The following MYH15 variants were observed in gnomAD, a reference collection of about 807,000 sequenced individuals.
The protein encoded by MYH15 is myosin-15.
Under a neutral mutation model 240.5 loss-of-function variants are expected in MYH15, and 227 were observed. The ratio of observed to expected loss-of-function variants is 0.94; its 90% confidence interval spans 0.85 to 1.05. MYH15 has a LOEUF of 1.05. MYH15 is among the 50% of genes least tolerant of loss of function. The pLI is 0.00. For synonymous variants in MYH15, 785 were observed against 796.7 expected, an observed-to-expected ratio of 0.99 and a Z score of 0.25; for missense variants, 2,217 against 2,247.5, an observed-to-expected ratio of 0.99 and a Z score of 0.27.
In MYH15 at chr3:108,500,106, G is replaced by A. The variant is rs2083424407; in HGVS notation, c.496+12C>T. ...ATATTTTTACTTTTCATTTTGTAGG[G>A]CAGCTACTCACTGTGAAGCATGTCC... On this transcript the variant is annotated intron_variant, in intron 4 of 40. Transcript: ENST00000693548. The A allele has an allele frequency of 6.2e-7, 1 of 1,608,988 alleles. No homozygotes were observed. The highest frequency in any genetic ancestry group is 1.1e-5 in the South Asian group (1 of 90,670).
rs569771150 is a variant in MYH15, at chr3:108,404,742, T to C, written c.4736+596A>G. 2.6e-5 allele frequency among the ~76,000 whole-genome samples: 4 copies of C among 152,314 alleles called. No individual in the cohort carries two copies. The East Asian group carries it at 5.8e-4, about 22-fold the overall frequency. On this transcript the variant is annotated intron_variant, in intron 33 of 40. Coordinates refer to ENST00000693548, the MANE Select transcript of MYH15 (RefSeq NM_014981.3). ...AAGCAGCTTAGCTCTTGGCTTCTGC[T>C]CCTCTTCAAACAAATGGCTACAGGT...
At chr3:108,520,910 C>T (rs2107266906) in intron 1 of MYH15, among the ~76,000 whole-genome samples, 1 of 152,108 alleles carries the variant, frequency 6.6e-6, no homozygotes, top group East Asian at 1.9e-4. Context: ...AATCAATTTG[C>T]ATATGTGAGT....
chr3:108,498,902 CTT>C (rs2083414609), intron 5 of MYH15, among the ~76,000 whole-genome samples: 2 of 152,354 alleles, frequency 1.3e-5, no homozygotes, highest in South Asian at 4.1e-4. Flanking sequence ...CATGCTGACA[CTT>C]TACCTGGCCA....
the MYH15 span, among the ~76,000 whole-genome samples, chr3:108,536,689 GAGTAAGTGGGGTATGTCAAA>G: frequency 2.1e-4 from 32 of 152,320 alleles, no homozygotes; most frequent in East Asian, 2.1e-3. Flanking sequence ...AGTGACAAAA[GAGTAAGTGGGGTATGTCAAA>G]TAGAATCTAA....
At chr3:108,385,776 T>C (rs2082378923) in intron 38 of MYH15, among the ~76,000 whole-genome samples, 1 of 150,576 alleles carries the variant, frequency 6.6e-6, no homozygotes, top group African/African-American at 2.4e-5. Flanking sequence ...TCCCCCTACT[T>C]ACCTTCCATT....
chr3:108,381,426 G>T lies in MYH15; in HGVS notation c.*119C>A. 8.9e-7 allele frequency: 1 copy of T among 1,117,936 alleles called. No homozygotes were observed. Among genetic ancestry groups the T allele is most frequent in the Non-Finnish European group, 1.4e-6 (1 of 731,370 alleles). The allele number at this position is 1,117,936 out of a possible 1,614,324, so 69.3% of individuals were successfully genotyped here. On this transcript the variant is annotated 3_prime_UTR_variant, in exon 41 of 41. Coordinates refer to ENST00000693548, the MANE Select transcript of MYH15 (RefSeq NM_014981.3). ...ATTTTTCTAATTGCCTTGTTTATAT[G>T]GTGTGAAAAGCAATTTAAACATGTT...
chr3:108,474,284 G>A (rs1020398436), intron 12 of MYH15, among the ~76,000 whole-genome samples: 1 of 151,562 alleles, frequency 6.6e-6, no homozygotes, highest in Non-Finnish European at 1.5e-5. Context: ...GAGAGAGAGC[G>A]AGAGGAGGAG....
rs1442634891 is a variant in MYH15, at chr3:108,485,132, TG to T, written c.1072del (p.Gln358ArgfsTer31). Reference sequence around the variant, plus strand: ...TTCCAGTTGCTCTTCTCTAGGTTTCTGTTTAAATTTCATATTTCCAAAGTGC... The same window carrying T: ...TTCCAGTTGCTCTTCTCTAGGTTTCTTTTAAATTTCATATTTCCAAAGTGC... ...IMHFGNMKFK[Q>X]KPREEQLEAD... On this transcript the variant is annotated frameshift_variant, in exon 11 of 41. Transcript: ENST00000693548. LOFTEE classifies it high-confidence loss of function. The T allele has an allele frequency of 6.2e-7, 1 of 1,614,176 alleles. No individual in the cohort carries two copies. Among genetic ancestry groups the T allele is most frequent in the Admixed American group, 1.7e-5 (1 of 60,026 alleles).
Position 108,470,780 on chromosome 3 carries a change from C to T in MYH15, c.1301G>A (p.Arg434Gln), listed in dbSNP as rs4299484. 0.27 allele frequency: 433,566 copies of T among 1,613,102 alleles called. 65,489 individuals carry two copies. Among genetic ancestry groups the T allele is most frequent in the Non-Finnish European group, 0.31 (367,296 of 1,179,406 alleles). Residue 434 changes from arginine to glutamine, a missense_variant, in exon 13 of 41, where the codon CGG (arginine) becomes CAG (glutamine). Coordinates refer to ENST00000693548, the MANE Select transcript of MYH15 (RefSeq NM_014981.3). ...CTTGGCATCCAGGGCCCTGTTGATC[C>T]GTGCCACTAGCCACTTAAACATCCT... ...YERMFKWLVA[R>Q]INRALDAKLS...
At chr3:108,502,494 G>T (rs1314633092) in intron 2 of MYH15, among the ~76,000 whole-genome samples, 1 of 152,022 alleles carries the variant, frequency 6.6e-6, no homozygotes, top group Non-Finnish European at 1.5e-5. Context: ...AACTTGCAAT[G>T]CATGTTCATT....
At position 108,410,785 on chromosome 3, in the gene MYH15, T is replaced by G. The variant is rs767205376; in HGVS notation, c.4293A>C (p.Ala1431=). 1.2e-6 allele frequency: 2 copies of G among 1,614,164 alleles called. No individual in the cohort carries two copies. Among genetic ancestry groups the G allele is most frequent in the South Asian group, 2.2e-5 (2 of 91,084 alleles). The change falls in exon 31 of 41, where the codon GCA becomes GCC. Residue 1431 remains alanine, a synonymous_variant. Transcript: ENST00000693548. ...LSDLGKVRSA[A]ARLDQKQLQS... is the part of the protein sequence containing the mutation. ...GCAGCTGCTTCTGGTCCAGCCTGGC[T>G]GCTGCAGAGCGGACCTTCCCGAGGT...
intron 12 of MYH15, among the ~76,000 whole-genome samples, chr3:108,474,610 C>G: frequency 6.6e-6 from 1 of 152,026 alleles, no homozygotes; most frequent in Admixed American, 6.6e-5. Flanking sequence ...ATCTATACCT[C>G]AAACACTGAT....
intron 1 of MYH15, among the ~76,000 whole-genome samples, chr3:108,526,748 CA>C: frequency 6.6e-6 from 1 of 152,294 alleles, no homozygotes; most frequent in East Asian, 1.9e-4. Flanking sequence ...GACACTTTCT[CA>C]TAAACTGCAG....
At chr3:108,540,591 CCATTTT>C in the MYH15 span, among the ~76,000 whole-genome samples, 1 of 152,214 alleles carries the variant, frequency 6.6e-6, no homozygotes, top group East Asian at 1.9e-4. Flanking sequence ...AATTCCATTT[CCATTTT>C]GGTACAATCA....
intron 27 of MYH15, among the ~76,000 whole-genome samples, chr3:108,424,203 C>A (rs2082708798): frequency 6.6e-6 from 1 of 152,202 alleles, no homozygotes; most frequent in Admixed American, 6.5e-5. Context: ...TGGTGAAGGC[C>A]AGCTGGGCTG....
the MYH15 span, among the ~76,000 whole-genome samples, chr3:108,542,324 G>C: frequency 2.0e-5 from 3 of 152,222 alleles, no homozygotes; most frequent in South Asian, 4.1e-4. Context: ...TTGACAAAAT[G>C]AATGTCATGT....
intron 5 of MYH15, among the ~76,000 whole-genome samples, chr3:108,498,670 G>T (rs1485402937): frequency 6.6e-6 from 1 of 152,148 alleles, no homozygotes; most frequent in Admixed American, 6.5e-5. Flanking sequence ...TAGAATCAAG[G>T]CCTGCCTGCC....
chr3:108,493,162 T>A lies in MYH15; in HGVS notation c.727A>T (p.Met243Leu), dbSNP rs1321910681. Residue 243 changes from methionine (M) to leucine (L), a missense_variant, in exon 8 of 41, where the codon ATG becomes TTG. Transcript: ENST00000693548. ...AGCATGCCTCTGGCACCAAAGTGCA[T>A]CCTGATGAATTTGCCCTAGTGTGGA... Reference protein sequence around the residue: ...NSSRFGKFIRMHFGARGMLSS... With the variant: ...NSSRFGKFIRLHFGARGMLSS... The A allele has an allele frequency of 6.2e-7, 1 of 1,614,030 alleles. No homozygotes were observed.
At chr3:108,491,324 G>A (rs2083345943) in intron 9 of MYH15, among the ~76,000 whole-genome samples, 1 of 152,154 alleles carries the variant, frequency 6.6e-6, no homozygotes. Flanking sequence ...ACACATAGCA[G>A]CTCCATAATA....
Sources: allele counts gnomAD v4.1 joint callset (sites outside exome capture counted in the v4.1 genomes callset), GRCh38; gene constraint gnomAD v4.1.1; transcripts MANE v1.5; gene names NCBI Gene and HGNC (gene_info 2026-07-23, HGNC 2026-07-21).